PPFIA2: variants seen among roughly 807,000 people sequenced by gnomAD.
PPFIA2 encodes the protein liprin-alpha-2.
In PPFIA2, 46 loss-of-function variants were observed where a neutral mutation model predicts 175.5. The ratio of observed to expected loss-of-function variants is 0.26; its 90% CI spans 0.21 to 0.34. PPFIA2 has a LOEUF of 0.34. Among genes scored for constraint, PPFIA2 ranks in the 10% least tolerant of loss-of-function variants. The pLI, the probability that PPFIA2 is intolerant of heterozygous loss-of-function variation, is 1.00. For missense variants in PPFIA2, 1,179 were observed against 1,506.1 expected, an observed-to-expected ratio of 0.78 and a Z score of 3.60; for synonymous variants, 568 against 511.4, an observed-to-expected ratio of 1.11 and a Z score of -1.49.
intron 4 of PPFIA2, chr12:81,472,636 T>C (rs1453146687): frequency 6.6e-6 from 1 of 152,220 alleles, no homozygotes; most frequent in Non-Finnish European, 1.5e-5. Context: ...ATATTCTTTT[T>C]AGTAACCAGT....
At chr12:81,710,662 TTA>T (rs148678087) in intron 3 of PPFIA2, among the ~76,000 whole-genome samples, 6,116 of 152,186 alleles carry the variant, frequency 0.04, 154 homozygotes, top group Middle Eastern at 0.068. Context: ...CAAAATTCAT[TTA>T]TGTTTCATAT....
chr12:81,614,747 C>T (rs2061281096), intron 4 of PPFIA2, among the ~76,000 whole-genome samples: 1 of 152,102 alleles, frequency 6.6e-6, no homozygotes, highest in Non-Finnish European at 1.5e-5. Flanking sequence ...CCATAGTTAC[C>T]ATTTATTGAA....
chr12:81,637,236 ATTTTTTTTTTTTTTTTTTTTTTT>A (rs71098156), intron 4 of PPFIA2, among the ~76,000 whole-genome samples: 23,628 of 65,458 alleles, frequency 0.36, 4,897 homozygotes, highest in Middle Eastern at 0.44. Context: ...CGCCAGGCTA[ATTTTTTTTTTTTTTTTTTTTTTT>A]TTTTTTTTTT....
At chr12:81,406,903 CATG>C (rs2043036726) in intron 7 of PPFIA2, among the ~76,000 whole-genome samples, 1 of 152,040 alleles carries the variant, frequency 6.6e-6, no homozygotes, top group African/African-American at 2.4e-5. Flanking sequence ...CTGAAAAAAA[CATG>C]ATATCAAGGG....
chr12:81,724,346 T>G (rs2079747384), intron 3 of PPFIA2, among the ~76,000 whole-genome samples: 1 of 150,920 alleles, frequency 6.6e-6, no homozygotes, highest in Non-Finnish European at 1.5e-5. Flanking sequence ...TTTTATAAAT[T>G]TAGGGGGTAC....
intron 3 of PPFIA2, among the ~76,000 whole-genome samples, chr12:81,692,083 G>GAC (rs370431066): frequency 0.014 from 1,774 of 125,158 alleles, 22 homozygotes; most frequent in Middle Eastern, 0.041. Flanking sequence ...CTCTCTCTCT[G>GAC]ACACACACAC....
chr12:81,533,735 C>CTATCTATATA (rs951462126), intron 4 of PPFIA2, among the ~76,000 whole-genome samples: 1 of 73,614 alleles, frequency 1.4e-5, no homozygotes, highest in South Asian at 3.9e-4. Flanking sequence ...ATCTATCTAT[C>CTATCTATATA]TATATATCTA....
chr12:81,309,109 C>A (rs2138944951), intron 22 of PPFIA2, among the ~76,000 whole-genome samples: 1 of 152,244 alleles, frequency 6.6e-6, no homozygotes, highest in Admixed American at 6.5e-5. Flanking sequence ...TGTACACAGA[C>A]TTCACACTAT....
intron 7 of PPFIA2, among the ~76,000 whole-genome samples, chr12:81,431,896 A>G (rs1220129867): frequency 6.6e-6 from 1 of 151,964 alleles, no homozygotes; most frequent in African/African-American, 2.4e-5. Flanking sequence ...CCTCCTCCCC[A>G]ATCCTACCTC....
chr12:81,613,736 G>A (rs1438466221), intron 4 of PPFIA2, among the ~76,000 whole-genome samples: 1 of 152,076 alleles, frequency 6.6e-6, no homozygotes, highest in Non-Finnish European at 1.5e-5. Context: ...CACTGCTAAG[G>A]ACTAGAATAA....
At chr12:81,470,376 T>A (rs1030111141) in intron 4 of PPFIA2, among the ~76,000 whole-genome samples, 5 of 152,136 alleles carry the variant, frequency 3.3e-5, no homozygotes, top group Admixed American at 6.6e-5. Flanking sequence ...AAAAGCACAG[T>A]GAAATACAAT....
At chr12:81,274,154 C>T (rs2039901606) in intron 28 of PPFIA2, among the ~76,000 whole-genome samples, 1 of 152,150 alleles carries the variant, frequency 6.6e-6, no homozygotes, top group African/African-American at 2.4e-5. Context: ...ACACTTGAAT[C>T]CCAAAAGCTA....
At chr12:81,327,106 T>C (rs1056790856) in intron 21 of PPFIA2, among the ~76,000 whole-genome samples, 4 of 152,110 alleles carry the variant, frequency 2.6e-5, no homozygotes, top group African/African-American at 9.7e-5. Context: ...TACTGGATAA[T>C]ATTAACTTGG....
intron 7 of PPFIA2, chr12:81,417,469 A>C (rs903120945): frequency 6.6e-6 from 1 of 151,614 alleles, no homozygotes; most frequent in African/African-American, 2.4e-5. Flanking sequence ...AAAGCGTTTC[A>C]AAGTGTTTGA....
At chr12:81,471,882 G>A (rs534762315) in intron 4 of PPFIA2, among the ~76,000 whole-genome samples, 7 of 152,118 alleles carry the variant, frequency 4.6e-5, no homozygotes, top group Non-Finnish European at 1.0e-4. Flanking sequence ...TTTTTGAGGT[G>A]ATGAACATGT....
intron 3 of PPFIA2, among the ~76,000 whole-genome samples, chr12:81,730,425 C>A (rs552020744): frequency 2.5e-4 from 38 of 151,666 alleles, no homozygotes; most frequent in African/African-American, 8.9e-4. Flanking sequence ...AAGCAGGTAA[C>A]TTCTTCACAG....
At chr12:81,594,814 A>C (rs2059068519) in intron 4 of PPFIA2, among the ~76,000 whole-genome samples, 2 of 152,018 alleles carry the variant, frequency 1.3e-5, no homozygotes, top group Admixed American at 1.3e-4. Context: ...TTGTGGGGCT[A>C]AGGTGGGAGG....
chr12:81,457,711 T>C (rs886101926), intron 5 of PPFIA2, 54 bp downstream of exon 5: 3 of 1,038,522 alleles, frequency 2.9e-6, no homozygotes, highest in Non-Finnish European at 4.3e-6. Context: ...GTGTTACATG[T>C]AATGCATTGA....
At chr12:81,303,253 C>A (rs1388641860) in intron 22 of PPFIA2, among the ~76,000 whole-genome samples, 1 of 152,106 alleles carries the variant, frequency 6.6e-6, no homozygotes, top group Non-Finnish European at 1.5e-5. Context: ...TCCCTGTTGG[C>A]CTGAAGAATA....
Sources: gnomAD v4.1 joint callset for allele counts (sites outside exome capture counted in the v4.1 genomes callset) on GRCh38, gnomAD v4.1.1 for gene constraint, MANE v1.5 for transcripts, NCBI Gene and HGNC (gene_info 2026-07-23, HGNC 2026-07-21) for gene names.